FKBP5: variants seen among roughly 807,000 people sequenced by gnomAD.
The protein encoded by FKBP5 is FKBP prolyl isomerase 5.
In FKBP5, 23 loss-of-function variants were observed where a neutral mutation model predicts 50.5. That is an observed-to-expected ratio of 0.46 (90% confidence interval 0.33 to 0.65). FKBP5 has a LOEUF of 0.65. FKBP5 is among the 30% of genes least tolerant of loss of function. The probability of loss-of-function intolerance (pLI) is 0.02; values close to 1 mark genes in which losing one functional copy is unlikely to be tolerated. For synonymous variants in FKBP5, 176 were observed against 190.6 expected (o/e 0.92, Z 0.63); for missense variants, 411 against 553.1 (o/e 0.74, Z 2.58).
intron 1 of FKBP5, among the ~76,000 whole-genome samples, chr6:35,652,858 C>T (rs1030487573): frequency 6.6e-6 from 1 of 152,112 alleles, no homozygotes; most frequent in African/African-American, 2.4e-5. Flanking sequence ...GCTTGTGGGG[C>T]ATCACGGATC....
chr6:35,631,360 T>C (rs1764146286), intron 3 of FKBP5, among the ~76,000 whole-genome samples: 1 of 152,148 alleles, frequency 6.6e-6, no homozygotes, highest in Non-Finnish European at 1.5e-5. Context: ...TATATGAAAT[T>C]CTACAAAAGG....
chr6:35,635,122 G>A (rs1764272732), intron 3 of FKBP5, among the ~76,000 whole-genome samples: 1 of 151,768 alleles, frequency 6.6e-6, no homozygotes, highest in South Asian at 2.1e-4. Flanking sequence ...ATCACTTGAG[G>A]TGAGGAGTTC....
rs1167816956 is a variant in FKBP5, at chr6:35,596,337, G to A, written c.665+911C>T. On this transcript the variant is annotated intron_variant, in intron 6 of 10. Transcript: ENST00000357266. ...CCACTGCACTCTAGCCTGGGTGGCA[G>A]AGCAAGACTCCATCTCAAAATATAT... 2.0e-5 allele frequency among the ~76,000 whole-genome samples: 3 copies of A among 152,152 alleles called. No individual in the cohort carries two copies. In the South Asian group the frequency reaches 6.2e-4, roughly 32 times the overall value.
At position 35,575,938 on chromosome 6, in the gene FKBP5, T is replaced by A; in HGVS notation, c.1271A>T (p.Glu424Val). The A allele has an allele frequency of 6.3e-7, 1 of 1,599,874 alleles. No individual in the cohort carries two copies. The highest frequency in any genetic ancestry group is 8.6e-7 in the Non-Finnish European group (1 of 1,166,988). The stretch of plus-strand genomic sequence containing the variant: ...CTTCTTGCCCATTGCTTTATTGGCC[T>A]CTTCCTAAGGAAGAAATAAGCAATC... ...KKFAEQDAKE[E>V]ANKAMGKKTS... The change falls in exon 11 of 11, where the codon GAG (glutamate) becomes GTG (valine). Residue 424 changes from glutamate (E) to valine (V), a missense_variant. Around this residue, in one of 3 missense-constraint regions of FKBP5, gnomAD observed 88 missense variants for 89.0 expected, o/e 0.99. Coordinates refer to ENST00000357266, the MANE Select transcript of FKBP5 (RefSeq NM_004117.4).
chr6:35,665,456 T>G (rs1765189693), intron 1 of FKBP5, among the ~76,000 whole-genome samples: 1 of 150,492 alleles, frequency 6.6e-6, no homozygotes, highest in African/African-American at 2.4e-5. Flanking sequence ...CCCAGCTAAT[T>G]TTTTTTGTAT....
intron 2 of FKBP5, among the ~76,000 whole-genome samples, chr6:35,701,733 G>T (rs1045886709): frequency 1.3e-5 from 2 of 151,882 alleles, no homozygotes; most frequent in Non-Finnish European, 2.9e-5. Flanking sequence ...TAGAGACAGG[G>T]TCTCACTATG....
In FKBP5 at chr6:35,652,695, G is replaced by C. The variant is rs924205121; in HGVS notation, c.-19-9852C>G. Among the ~76,000 whole-genome samples the C allele has an allele frequency of 4.6e-5, 7 of 152,136 alleles. 1 individual carries two copies. Among genetic ancestry groups the C allele is most frequent in the Admixed American group, 2.0e-4 (3 of 15,286 alleles). ...AAACTTTATTAGCAATTTTAATTTC[G>C]CCTCTGTCCTGTGGTCCTGTGATCT... On this transcript the variant is annotated intron_variant, in intron 1 of 10. Transcript: ENST00000357266.
At chr6:35,722,208 T>C (rs1766624320) in intron 1 of FKBP5, among the ~76,000 whole-genome samples, 1 of 152,104 alleles carries the variant, frequency 6.6e-6, no homozygotes, top group Non-Finnish European at 1.5e-5. Context: ...CCTTCCCAAC[T>C]GCCAAGGATA....
chr6:35,625,845 T>C (rs1277472499), intron 3 of FKBP5, among the ~76,000 whole-genome samples: 1 of 150,754 alleles, frequency 6.6e-6, no homozygotes, highest in African/African-American at 2.4e-5. Context: ...AGTGGCGCTA[T>C]CTCTGCTCAC....
rs191511777 is a variant in FKBP5, at chr6:35,673,464, C to T, written c.-20+15340G>A. Among the ~76,000 whole-genome samples, 37 of 152,004 alleles carry T rather than the reference C, an allele frequency of 2.4e-4. No individual in the cohort carries two copies. In the East Asian group the frequency reaches 5.0e-3, roughly 21 times the overall value. On this transcript the variant is annotated intron_variant, in intron 1 of 10. Coordinates refer to ENST00000357266, the MANE Select transcript of FKBP5 (RefSeq NM_004117.4). ...ACTTGGGAGGCTGAGGTGGGAAGAACGCTTGAGCCTGGGAAGGAGCTTTGA... is the reference window on the plus strand; with the variant it reads ...ACTTGGGAGGCTGAGGTGGGAAGAATGCTTGAGCCTGGGAAGGAGCTTTGA...
chr6:35,610,266 G>C (rs1763448847), intron 5 of FKBP5, among the ~76,000 whole-genome samples: 2 of 151,976 alleles, frequency 1.3e-5, no homozygotes, highest in Admixed American at 6.6e-5. Context: ...CTTTAAATTT[G>C]TTTTAAAAGT....
chr6:35,574,151 G>A lies in FKBP5; in HGVS notation c.*1684C>T, dbSNP rs1324170786. ...ACAAAAGCATAAATGAGAAATTAGAGGGATTTTAGTTATCATTAAAGGAAA... is the reference window on the plus strand; with the variant it reads ...ACAAAAGCATAAATGAGAAATTAGAAGGATTTTAGTTATCATTAAAGGAAA... On this transcript the variant is annotated 3_prime_UTR_variant, in exon 11 of 11. Transcript: ENST00000357266. 6.6e-6 allele frequency: 1 copy of A among 152,094 alleles called. No individual in the cohort carries two copies. Among genetic ancestry groups the A allele is most frequent in the Non-Finnish European group, 1.5e-5 (1 of 68,014 alleles). The allele number at this position is 152,094 out of a possible 1,614,324, so 9.4% of individuals were successfully genotyped here.
intron 5 of FKBP5, among the ~76,000 whole-genome samples, chr6:35,610,410 C>CA (rs1298232562): frequency 9.5e-4 from 143 of 150,796 alleles, no homozygotes; most frequent in African/African-American, 3.4e-3. Context: ...ACTAAAAATA[C>CA]AAAAAAAATC....
At chr6:35,646,364 G>A (rs1764630536) in intron 1 of FKBP5, among the ~76,000 whole-genome samples, 3 of 152,110 alleles carry the variant, frequency 2.0e-5, no homozygotes, top group Admixed American at 1.3e-4. Context: ...ATGAAGAGAA[G>A]TACTATGAAT....
intron 5 of FKBP5, among the ~76,000 whole-genome samples, chr6:35,608,378 A>G (rs972931508): frequency 6.6e-6 from 1 of 151,196 alleles, no homozygotes; most frequent in Admixed American, 6.6e-5. Flanking sequence ...AGAATTAATC[A>G]GCATAATCTC....
chr6:35,626,288 C>T (rs1763996722), intron 3 of FKBP5, among the ~76,000 whole-genome samples: 1 of 152,008 alleles, frequency 6.6e-6, no homozygotes, highest in Non-Finnish European at 1.5e-5. Context: ...GCATACAAAG[C>T]CCAGTATAAA....
chr6:35,617,772 T>C (rs551221118), intron 5 of FKBP5, among the ~76,000 whole-genome samples: 19 of 152,224 alleles, frequency 1.2e-4, no homozygotes, highest in Non-Finnish European at 2.5e-4. Flanking sequence ...CTGGGAGAAA[T>C]GGGCAAATAC....
At chr6:35,642,645 C>T in intron 2 of FKBP5, 75 bp downstream of exon 2, 1 of 1,112,236 alleles carries the variant, frequency 9.0e-7, no homozygotes, top group South Asian at 1.4e-5. Context: ...CCACCCCAGC[C>T]CCCCTCAGAA....
intron 8 of FKBP5, chr6:35,583,547 G>A: frequency 1.0e-6 from 1 of 985,370 alleles, no homozygotes; most frequent in Non-Finnish European, 1.2e-6. Context: ...TGCTTCTGAG[G>A]TACTAAAGCA....
Sources: gnomAD v4.1 joint callset for allele counts (sites outside exome capture counted in the v4.1 genomes callset) on GRCh38, gnomAD v4.1.1 for gene constraint, gnomAD v4.1.1 regional missense constraint, MANE v1.5 for transcripts, NCBI Gene and HGNC (gene_info 2026-07-23, HGNC 2026-07-21) for gene names.